Variants in SEC16B observed in about 807,000 individuals in gnomAD.
SEC16B encodes the protein protein transport protein Sec16B.
SEC16B carries 115 observed loss-of-function variants against 141.8 expected under a neutral mutation model. That is an observed-to-expected ratio of 0.81 (90% CI 0.70 to 0.95). The LOEUF is 0.95. Among genes scored for constraint, SEC16B ranks in the 40% least tolerant of loss-of-function variants. SEC16B has a pLI of 0.00. For synonymous variants in SEC16B, 493 were observed against 492.5 expected (o/e 1.00, Z -0.01); for missense variants, 1,291 against 1,312.3 (o/e 0.98, Z 0.25).
At chr1:177,936,431 G>A (rs1293606274) in intron 19 of SEC16B, 66 bp from the exon 20 acceptor site, 14 of 1,357,260 alleles carry the variant, frequency 1.0e-5, no homozygotes, top group African/African-American at 1.4e-5. Flanking sequence ...TCCTGAAGAA[G>A]GGTAACTGGG....
chr1:177,983,231 C>A (rs927523073), intron 1 of SEC16B, among the ~76,000 whole-genome samples: 1 of 152,160 alleles, frequency 6.6e-6, no homozygotes, highest in Non-Finnish European at 1.5e-5. Context: ...TAAACTGAAG[C>A]CCAGAGTGCC....
At chr1:177,951,429 C>T (rs1652184650) in intron 12 of SEC16B, among the ~76,000 whole-genome samples, 1 of 152,202 alleles carries the variant, frequency 6.6e-6, no homozygotes, top group African/African-American at 2.4e-5. Flanking sequence ...CACATCAACT[C>T]TAGAAGATTG....
intron 3 of SEC16B, among the ~76,000 whole-genome samples, chr1:177,965,541 GAT>G (rs1453500593): frequency 1.3e-5 from 2 of 152,158 alleles, no homozygotes; most frequent in East Asian, 3.9e-4. Flanking sequence ...AGGGTGAAGT[GAT>G]ACACTCTTAC....
chr1:177,946,589 A>G, intron 13 of SEC16B, 58 bp from the exon 14 acceptor site: 1 of 1,354,938 alleles, frequency 7.4e-7, no homozygotes, highest in Non-Finnish European at 1.0e-6. Context: ...GGGAGCCATC[A>G]TCTGGGTGGG....
At chr1:177,948,673 T>C in intron 12 of SEC16B, 2 of 1,267,292 alleles carry the variant, frequency 1.6e-6, no homozygotes, top group Non-Finnish European at 1.0e-6. Flanking sequence ...GCAGAAAATA[T>C]CAATAAAGAA....
rs1325864155 is a variant in SEC16B at position 177,951,858 on chromosome 1, G to A, written c.1545+56C>T. 2.0e-5 allele frequency: 29 copies of A among 1,419,266 alleles called. No individual in the cohort carries two copies. The East Asian group carries it at 2.5e-4, about 12-fold the overall frequency. 87.9% of individuals were successfully genotyped at this position (1,419,266 alleles called of 1,614,324 possible). On this transcript the variant is annotated intron_variant, in intron 12 of 25. Transcript: ENST00000308284. Reference sequence around the variant, plus strand: ...ATCAGTGCACTCCTGAGCAGTCCCCGCCCCCTCAAGCCCTTGGGATGCCTG... The same window carrying A: ...ATCAGTGCACTCCTGAGCAGTCCCCACCCCCTCAAGCCCTTGGGATGCCTG...
At chr1:177,930,023 C>T in intron 25 of SEC16B, 94 bp from the exon 26 acceptor site, 4 of 1,230,906 alleles carry the variant, frequency 3.2e-6, no homozygotes, top group Middle Eastern at 2.5e-4. Flanking sequence ...CACCCTGAGC[C>T]TCTGTGTAGA....
intron 15 of SEC16B, among the ~76,000 whole-genome samples, chr1:177,942,667 C>CA (rs959171313): frequency 9.7e-4 from 137 of 141,544 alleles, no homozygotes; most frequent in Admixed American, 1.8e-3. Flanking sequence ...GACTCTGTCT[C>CA]AAAAAAAAAA....
Position 177,938,583 on chromosome 1 carries a change from A to G in SEC16B, c.2204-1070T>C, listed in dbSNP as rs575654711. Among the ~76,000 whole-genome samples, 27 of 152,038 alleles carry G rather than the reference A, an allele frequency of 1.8e-4. 1 individual carries two copies. The highest frequency in any genetic ancestry group is 6.1e-4 in the African/African-American group (25 of 41,288). Reference sequence around the variant, plus strand: ...TTGCAGGATGGAACCCTTTGTAAGAAATAAAGTCTCCTTTCCAAATGTACA... The same window carrying G: ...TTGCAGGATGGAACCCTTTGTAAGAGATAAAGTCTCCTTTCCAAATGTACA... On this transcript the variant is annotated intron_variant, in intron 18 of 25. Coordinates refer to ENST00000308284, the MANE Select transcript of SEC16B (RefSeq NM_033127.4).
rs370575729 is a variant in SEC16B at position 177,964,211 on chromosome 1, A to G, written c.602T>C (p.Leu201Pro). Residue 201 changes from leucine (L) to proline (P), a missense_variant, in exon 5 of 26, where the codon CTG becomes CCG. Physicochemically the swap from Leu to Pro is moderately conservative, Grantham distance 98 (BLOSUM62 -3). Around this residue, in one of 3 missense-constraint regions of SEC16B, gnomAD observed 681 missense variants for 675.5 expected, o/e 1.01. Coordinates refer to ENST00000308284, the MANE Select transcript of SEC16B (RefSeq NM_033127.4). ...SNSGQEWPGELFPGSLLAEAQ... is the reference protein window; with the variant it reads ...SNSGQEWPGEPFPGSLLAEAQ... ...CTCAGCAAGCAGGCTCCCTGGAAAC[A>G]GCTCCCCCGGCCACTCCTGTCCAGA... The G allele has an allele frequency of 2.5e-6, 4 of 1,613,536 alleles. No homozygotes were observed. The highest frequency in any genetic ancestry group is 1.7e-5 in the Admixed American group (1 of 59,990).
At chr1:177,942,294 C>T (rs1479687507) in intron 15 of SEC16B, among the ~76,000 whole-genome samples, 1 of 152,206 alleles carries the variant, frequency 6.6e-6, no homozygotes, top group African/African-American at 2.4e-5. Flanking sequence ...GGTCACCATG[C>T]AAAGTGCACT....
Position 177,960,350 on chromosome 1 carries a change from G to A in SEC16B, c.990C>T (p.Pro330=). The change falls in exon 8 of 26, where the codon CCC becomes CCT. Residue 330 remains proline (P), a synonymous_variant. Coordinates refer to ENST00000308284, the MANE Select transcript of SEC16B (RefSeq NM_033127.4). ...CTCTTACAGCACTATACCTAATCAA[G>A]GGTCCTGAGAAACTTCTCATCTCCT... is the stretch of plus-strand genomic sequence containing the variant. ...EQEEMRSFSG[P]LIREDVHKVD... 6.3e-7 allele frequency: 1 copy of A among 1,599,694 alleles called. No individual in the cohort carries two copies. Among genetic ancestry groups the A allele is most frequent in the East Asian group, 2.2e-5 (1 of 44,754 alleles).
chr1:177,944,682 A>G lies in SEC16B; in HGVS notation c.1776-16T>C, dbSNP rs776593733. On this transcript the variant is annotated splice_polypyrimidine_tract_variant and intron_variant, in intron 14 of 25. Coordinates refer to ENST00000308284, the MANE Select transcript of SEC16B (RefSeq NM_033127.4). ...AAACTCTTGACTAAAACCAGAGAAT[A>G]ACAATAAAAGAGATTGAGGTGTGGG... 1.2e-6 allele frequency: 2 copies of G among 1,604,458 alleles called. No homozygotes were observed. Among genetic ancestry groups the G allele is most frequent in the Admixed American group, 1.7e-5 (1 of 59,888 alleles).
chr1:177,944,332 A>G (rs767936337), intron 15 of SEC16B, among the ~76,000 whole-genome samples: 1 of 152,230 alleles, frequency 6.6e-6, no homozygotes, highest in African/African-American at 2.4e-5. Context: ...GCAGTGAGGC[A>G]GGAGCCTCCA....
chr1:177,961,561 T>A, intron 6 of SEC16B, 29 bp downstream of exon 6: 1 of 1,583,114 alleles, frequency 6.3e-7, no homozygotes. Context: ...TCAGATTCAA[T>A]CAACTCTTCT....
At chr1:177,949,219 C>A (rs974495483) in intron 12 of SEC16B, among the ~76,000 whole-genome samples, 1 of 152,114 alleles carries the variant, frequency 6.6e-6, no homozygotes, top group African/African-American at 2.4e-5. Flanking sequence ...AATAGCAGTT[C>A]TCATGTGTCA....
chr1:177,938,933 G>A (rs752498425), intron 18 of SEC16B, among the ~76,000 whole-genome samples: 1 of 152,206 alleles, frequency 6.6e-6, no homozygotes, highest in Non-Finnish European at 1.5e-5. Context: ...TGGCATGGGT[G>A]GCCAACCCGC....
Position 177,958,915 on chromosome 1 carries a change from G to T in SEC16B, c.1059C>A (p.Cys353Ter). 6.2e-7 allele frequency: 1 copy of T among 1,613,746 alleles called. No homozygotes were observed. The highest frequency in any genetic ancestry group is 8.5e-7 in the Non-Finnish European group (1 of 1,179,764). The change falls in exon 9 of 26, where the codon TGC becomes TGA. Residue 353 changes from cysteine to a stop codon, truncating the protein, a stop_gained. Transcript: ENST00000308284. LOFTEE classifies it high-confidence loss of function. ...TFCQQKAAQS[C>*]KSETLGSRDS... ...CTCTGCTCCCCAGTGTCTCAGATTT[G>T]CAGCTCTGAGCTGCTTTCTGCTGGC... is the stretch of plus-strand genomic sequence containing the variant.
In SEC16B at chr1:177,958,317, T is replaced by TG; in HGVS notation, c.1179dup (p.Lys394GlnfsTer21). ...TGCCGCTTGTACTTCTCCAGCTTCT[T>TG]GCAGTCTTGCATTAGCAGCTCAGCG... On this transcript the variant is annotated frameshift_variant, in exon 10 of 26. Transcript: ENST00000308284. LOFTEE classifies it high-confidence loss of function. The TG allele has an allele frequency of 6.2e-7, 1 of 1,609,390 alleles. No homozygotes were observed. The highest frequency in any genetic ancestry group is 8.5e-7 in the Non-Finnish European group (1 of 1,177,828).
Sources: allele counts gnomAD v4.1 joint callset (sites outside exome capture counted in the v4.1 genomes callset), GRCh38; gene constraint gnomAD v4.1.1; regional missense constraint gnomAD v4.1.1; transcripts MANE v1.5; gene names NCBI Gene and HGNC (gene_info 2026-07-23, HGNC 2026-07-21).